Variants in SYPL2 observed in about 807,000 individuals in gnomAD.
The protein encoded by SYPL2 is synaptophysin like 2.
In SYPL2, 24 loss-of-function variants were observed where a neutral mutation model predicts 31.3. The observed-to-expected ratio is 0.77, with a 90% CI of 0.56 to 1.08. The LOEUF (loss-of-function observed/expected upper bound fraction) is 1.08, where lower values mean the gene tolerates loss of function less well. Ranked by LOEUF, SYPL2 falls within the 50% of genes least tolerant of loss-of-function variation. The pLI is 0.00. For synonymous variants in SYPL2, 144 were observed against 143.1 expected (o/e 1.01, Z -0.05); for missense variants, 342 against 360.1 (o/e 0.95, Z 0.41).
In SYPL2 at chr1:109,477,945, A is replaced by G. The variant is rs1656051492; in HGVS notation, c.584A>G (p.His195Arg). The G allele has an allele frequency of 1.2e-6, 2 of 1,614,214 alleles. No homozygotes were observed. The highest frequency in any genetic ancestry group is 4.5e-5 in the East Asian group (2 of 44,878). ...TTGACAGCAGCCATGTCAGTGTGCC[A>G]TGGAGAGGAAGCAGTGTGCAGTGCC... is the stretch of plus-strand genomic sequence containing the variant. ...SSLTAAMSVC[H>R]GEEAVCSAGA... Residue 195 changes from histidine (H) to arginine (R), a missense_variant, in exon 5 of 6, where the codon CAT becomes CGT. By Grantham distance (29) the His-to-Arg change is conservative (BLOSUM62 0). Coordinates refer to ENST00000369872, the MANE Select transcript of SYPL2 (RefSeq NM_001040709.2).
At position 109,475,666 on chromosome 1, in the gene SYPL2, A is replaced by T; in HGVS notation, c.215A>T (p.Asp72Val). ...GTTCGCTGCAACAACGAAGCCAAGG[A>T]CGTGAGCTCCATCATCGTTGCATTT... Reference protein sequence around the residue: ...AMVRCNNEAKDVSSIIVAFGY... With the variant: ...AMVRCNNEAKVVSSIIVAFGY... The change falls in exon 3 of 6, where the codon GAC becomes GTC. Residue 72 changes from aspartate to valine, a missense_variant. Coordinates refer to ENST00000369872, the MANE Select transcript of SYPL2 (RefSeq NM_001040709.2). 6.2e-7 allele frequency: 1 copy of T among 1,614,134 alleles called. No individual in the cohort carries two copies. The highest frequency in any genetic ancestry group is 8.5e-7 in the Non-Finnish European group (1 of 1,179,996).
At chr1:109,471,123 A>G (rs1449027861) in intron 2 of SYPL2, among the ~76,000 whole-genome samples, 1 of 152,162 alleles carries the variant, frequency 6.6e-6, no homozygotes, top group Non-Finnish European at 1.5e-5. Flanking sequence ...CATTAACTAA[A>G]TGTGACTTTG....
chr1:109,473,341 G>A (rs545954488), intron 2 of SYPL2, among the ~76,000 whole-genome samples: 2 of 152,306 alleles, frequency 1.3e-5, no homozygotes, highest in South Asian at 4.1e-4. Context: ...TTTAAACATG[G>A]AGACAATTCT....
At chr1:109,469,167 T>A (rs1446284112) in intron 2 of SYPL2, among the ~76,000 whole-genome samples, 1 of 152,184 alleles carries the variant, frequency 6.6e-6, no homozygotes, top group East Asian at 1.9e-4. Flanking sequence ...GGAAATGTCA[T>A]TTGAGTTTTT....
Position 109,479,533 on chromosome 1 carries a change from A to G in SYPL2, c.804A>G (p.Ala268=), listed in dbSNP as rs755567622. Residue 268 remains alanine, a synonymous_variant, in exon 6 of 6, where the codon GCA becomes GCG. Coordinates refer to ENST00000369872, the MANE Select transcript of SYPL2 (RefSeq NM_001040709.2). The part of the protein sequence containing the change: ...PSQESAAEQG[A]VEKQ ...AGGAGAGTGCAGCTGAGCAGGGAGC[A>G]GTGGAGAAGCAGTAAGCAGCCCCCC... 1 of 1,613,896 alleles carries G rather than the reference A, an allele frequency of 6.2e-7. No homozygotes were observed. Among genetic ancestry groups the G allele is most frequent in the East Asian group, 2.2e-5 (1 of 44,882 alleles).
chr1:109,473,663 C>T (rs535565997), intron 2 of SYPL2, among the ~76,000 whole-genome samples: 12 of 152,164 alleles, frequency 7.9e-5, no homozygotes, highest in South Asian at 4.2e-4. Context: ...GAGGTTGAGG[C>T]GGGCGGATCA....
At position 109,466,869 on chromosome 1, in the gene SYPL2, G is replaced by T; in HGVS notation, c.26G>T (p.Arg9Leu). The T allele has an allele frequency of 6.5e-7, 1 of 1,528,438 alleles. No individual in the cohort carries two copies. The highest frequency in any genetic ancestry group is 2.5e-5 in the East Asian group (1 of 39,914). The allele number at this position is 1,528,438 out of a possible 1,614,324, so 94.7% of individuals were successfully genotyped here. The change falls in exon 1 of 6, where the codon CGC becomes CTC. Residue 9 changes from arginine to leucine, a missense_variant. By Grantham distance (102) the Arg-to-Leu change is moderately radical. Transcript: ENST00000369872. ...ATGTCCTCGACCGAGAGCGCCGGCC[G>T]CACGGCGGACAAGTCGCCGCGCCAG... MSSTESAGRTADKSPRQQV... is the reference protein window; with the variant it reads MSSTESAGLTADKSPRQQV...
In SYPL2 at chr1:109,480,556, G is replaced by A. The variant is rs1656133588; in HGVS notation, c.*1008G>A. On this transcript the variant is annotated 3_prime_UTR_variant, in exon 6 of 6. Coordinates refer to ENST00000369872, the MANE Select transcript of SYPL2 (RefSeq NM_001040709.2). ...GGGGCCAGACAGGGGCTTAGGAAGG[G>A]CCAAAGGACCATCATGAGGCTAAGT... 2 of 152,346 alleles carry A rather than the reference G, an allele frequency of 1.3e-5. No individual in the cohort carries two copies. Among genetic ancestry groups the A allele is most frequent in the Admixed American group, 1.3e-4 (2 of 15,288 alleles). 9.4% of individuals were successfully genotyped at this position (152,346 alleles called of 1,614,324 possible).
At chr1:109,473,509 C>T (rs549990213) in intron 2 of SYPL2, among the ~76,000 whole-genome samples, 128 of 152,276 alleles carry the variant, frequency 8.4e-4, no homozygotes, top group Non-Finnish European at 1.5e-3. Flanking sequence ...TTGGCAAGCC[C>T]AGTCAAGAGT....
chr1:109,468,962 G>A (rs968355556), intron 2 of SYPL2, among the ~76,000 whole-genome samples: 2 of 152,186 alleles, frequency 1.3e-5, no homozygotes, highest in African/African-American at 4.8e-5. Flanking sequence ...TTTTCTCTCA[G>A]AATGCTAAAA....
chr1:109,479,737 T>G lies in SYPL2; in HGVS notation c.*189T>G. On this transcript the variant is annotated 3_prime_UTR_variant, in exon 6 of 6. Coordinates refer to ENST00000369872, the MANE Select transcript of SYPL2 (RefSeq NM_001040709.2). ...CCTCTCAGTGGCTTCCTATCCTCCT[T>G]CTTGCTGGAGCCATGAATGGCAGGA... is the stretch of plus-strand genomic sequence containing the variant. 5 of 816,000 alleles carry G rather than the reference T, an allele frequency of 6.1e-6. No individual in the cohort carries two copies. Among genetic ancestry groups the G allele is most frequent in the Non-Finnish European group, 9.3e-6 (5 of 536,180 alleles). The allele number at this position is 816,000 out of a possible 1,614,324, so 50.5% of individuals were successfully genotyped here.
At position 109,478,470 on chromosome 1, in the gene SYPL2, G is replaced by A. The variant is rs1176799048; in HGVS notation, c.648+461G>A. 6.6e-6 allele frequency among the ~76,000 whole-genome samples: 1 copy of A among 152,216 alleles called. No individual in the cohort carries two copies. The highest frequency in any genetic ancestry group is 2.4e-5 in the African/African-American group (1 of 41,472). The stretch of plus-strand genomic sequence containing the variant: ...GCTTTGGAGCAGTAGTGGGTCTGCT[G>A]GATGCATATGGATTTGGCCATCCCA... On this transcript the variant is annotated intron_variant, in intron 5 of 5. Coordinates refer to ENST00000369872, the MANE Select transcript of SYPL2 (RefSeq NM_001040709.2). The surrounding 1 kb of genome is among the most constrained non-coding windows in gnomAD (Gnocchi z 4.0).
At position 109,472,970 on chromosome 1, in the gene SYPL2, C is replaced by T. The variant is rs148847076; in HGVS notation, c.130-2611C>T. ...GAGCCATTCACTGACTAACTGCCAACGGGTAAAAATATTTCCAACTGTGCT... is the reference window on the plus strand; with the variant it reads ...GAGCCATTCACTGACTAACTGCCAATGGGTAAAAATATTTCCAACTGTGCT... On this transcript the variant is annotated intron_variant, in intron 2 of 5. Coordinates refer to ENST00000369872, the MANE Select transcript of SYPL2 (RefSeq NM_001040709.2). 3.7e-3 allele frequency among the ~76,000 whole-genome samples: 559 copies of T among 152,228 alleles called. 2 individuals carry two copies. Among genetic ancestry groups the T allele is most frequent in the South Asian group, 7.3e-3 (35 of 4,814 alleles).
chr1:109,474,015 C>G (rs1655915916), intron 2 of SYPL2, among the ~76,000 whole-genome samples: 1 of 152,146 alleles, frequency 6.6e-6, no homozygotes, highest in Non-Finnish European at 1.5e-5. Flanking sequence ...TAGTTCAGGT[C>G]TCCTTTCACT....
At position 109,466,904 on chromosome 1, in the gene SYPL2, C is replaced by A; in HGVS notation, c.54+7C>A. On this transcript the variant is annotated splice_region_variant and intron_variant, in intron 1 of 5. Coordinates refer to ENST00000369872, the MANE Select transcript of SYPL2 (RefSeq NM_001040709.2). Reference sequence around the variant, plus strand: ...CAAGTCGCCGCGCCAGCAGGTAGTCCCTGCGCGCCCAGGACTCTCACCCGC... The same window carrying A: ...CAAGTCGCCGCGCCAGCAGGTAGTCACTGCGCGCCCAGGACTCTCACCCGC... 1.3e-6 allele frequency: 2 copies of A among 1,530,594 alleles called. No homozygotes were observed. Among genetic ancestry groups the A allele is most frequent in the Non-Finnish European group, 1.7e-6 (2 of 1,144,152 alleles). 94.8% of individuals were successfully genotyped at this position (1,530,594 alleles called of 1,614,324 possible).
chr1:109,467,429 T>C (rs1655687869), intron 2 of SYPL2, among the ~76,000 whole-genome samples: 1 of 152,010 alleles, frequency 6.6e-6, no homozygotes, highest in African/African-American at 2.4e-5. Flanking sequence ...GTGTAACCTT[T>C]CCAGAACTCT....
At position 109,479,717 on chromosome 1, in the gene SYPL2, C is replaced by A; in HGVS notation, c.*169C>A. ...CTGTTGGAAACCTGGGCAGCCCTCT[C>A]AGTGGCTTCCTATCCTCCTTCTTGC... On this transcript the variant is annotated 3_prime_UTR_variant, in exon 6 of 6. Transcript: ENST00000369872. 1.0e-6 allele frequency: 1 copy of A among 980,514 alleles called. No individual in the cohort carries two copies. Among genetic ancestry groups the A allele is most frequent in the Non-Finnish European group, 1.5e-6 (1 of 679,494 alleles). The allele number at this position is 980,514 out of a possible 1,614,324, so 60.7% of individuals were successfully genotyped here.
Position 109,479,771 on chromosome 1 carries a change from C to A in SYPL2, c.*223C>A, listed in dbSNP as rs1315993320. On this transcript the variant is annotated 3_prime_UTR_variant, in exon 6 of 6. Transcript: ENST00000369872. Reference sequence around the variant, plus strand: ...AGCCATGAATGGCAGGAGCTCAGTGCTTCTTGTGCAGTGCCTGGACCCAGG... The same window carrying A: ...AGCCATGAATGGCAGGAGCTCAGTGATTCTTGTGCAGTGCCTGGACCCAGG... 3 of 643,330 alleles carry A rather than the reference C, an allele frequency of 4.7e-6. No individual in the cohort carries two copies. In the Admixed American group the frequency reaches 9.1e-5, roughly 19 times the overall value. 39.9% of individuals were successfully genotyped at this position (643,330 alleles called of 1,614,324 possible).
intron 5 of SYPL2, 26 bp from the exon 6 acceptor site, chr1:109,479,352 C>A: frequency 6.2e-7 from 1 of 1,611,034 alleles, no homozygotes; most frequent in Non-Finnish European, 8.5e-7. Context: ...TGACTATTCT[C>A]ACAAATTCCC....
Sources: allele counts gnomAD v4.1 joint callset (sites outside exome capture counted in the v4.1 genomes callset), GRCh38; gene constraint gnomAD v4.1.1; non-coding constraint Gnocchi (gnomAD v3.1); transcripts MANE v1.5; gene names NCBI Gene and HGNC (gene_info 2026-07-23, HGNC 2026-07-21).